TNRC6A: variants seen among roughly 807,000 people sequenced by gnomAD.
The protein encoded by TNRC6A is trinucleotide repeat-containing gene 6A protein.
Under a neutral mutation model 221.2 loss-of-function variants are expected in TNRC6A, and 44 were observed. The observed-to-expected ratio is 0.20, with a 90% CI of 0.16 to 0.26. The LOEUF (loss-of-function observed/expected upper bound fraction) is 0.26. TNRC6A is among the 10% of genes least tolerant of loss of function. The pLI, the probability that TNRC6A is intolerant of heterozygous loss-of-function variation, is 1.00. For synonymous variants in TNRC6A, 847 were observed against 838.5 expected (o/e 1.01, Z -0.18); for missense variants, 2,199 against 2,404.4 (o/e 0.91, Z 1.79).
chr16:24,805,214 T>C, intron 14 of TNRC6A, 63 bp downstream of exon 14: 1 of 1,591,214 alleles, frequency 6.3e-7, no homozygotes, highest in Non-Finnish European at 8.6e-7. Flanking sequence ...TGATTTTGTA[T>C]TTGAATAAAA....
chr16:24,773,505 T>C (rs1940878301), intron 4 of TNRC6A, among the ~76,000 whole-genome samples: 1 of 152,246 alleles, frequency 6.6e-6, no homozygotes, highest in South Asian at 2.1e-4. Flanking sequence ...GATGTTTTCT[T>C]TGCTGCTGTA....
rs375152664 is a variant in TNRC6A, at chr16:24,705,672, A to G, written n.403-45054A>G. Reference sequence around the variant, plus strand: ...ATACTGGTTAAATGAGAATAACTACATGACCTTTCTTAGAGACTACAAGAA... The same window carrying G: ...ATACTGGTTAAATGAGAATAACTACGTGACCTTTCTTAGAGACTACAAGAA... On this transcript the variant is annotated intron_variant and non_coding_transcript_variant, in intron 2 of 2. Coordinates refer to the TNRC6A transcript ENST00000566108. Among the ~76,000 whole-genome samples, 7 of 152,340 alleles carry G rather than the reference A, an allele frequency of 4.6e-5. No homozygotes were observed. In the South Asian group the frequency reaches 8.3e-4, roughly 18 times the overall value.
intron 2 of TNRC6A, among the ~76,000 whole-genome samples, chr16:24,686,700 A>G (rs1375626898): frequency 1.3e-5 from 2 of 152,034 alleles, no homozygotes; most frequent in African/African-American, 4.8e-5. Context: ...GTAAATGGAG[A>G]CAGGCATGTA....
At position 24,790,203 on chromosome 16, in the gene TNRC6A, A is replaced by G. The variant is rs1168090255; in HGVS notation, c.1561A>G (p.Thr521Ala). ...ESKSGGSYGTTWGAYGSNYSG... is the reference protein window; with the variant it reads ...ESKSGGSYGTAWGAYGSNYSG... The stretch of plus-strand genomic sequence containing the variant: ...AAAAAGTGGAGGCTCTTATGGTACT[A>G]CATGGGGTGCCTATGGTTCTAATTA... The change falls in exon 6 of 25, where the codon ACA becomes GCA. Residue 521 changes from threonine to alanine, a missense_variant. Thr to Ala is a moderately conservative substitution (Grantham distance 58). This residue lies in a region of TNRC6A where 1,405 missense variants were observed against 1,400.2 expected (regional missense o/e 1.00). Coordinates refer to ENST00000395799, the MANE Select transcript of TNRC6A (RefSeq NM_014494.4). 2 of 1,614,194 alleles carry G rather than the reference A, an allele frequency of 1.2e-6. No individual in the cohort carries two copies. Among genetic ancestry groups the G allele is most frequent in the South Asian group, 1.1e-5 (1 of 91,078 alleles).
chr16:24,770,266 G>C (rs1285804795), intron 4 of TNRC6A, among the ~76,000 whole-genome samples: 2 of 152,180 alleles, frequency 1.3e-5, no homozygotes, highest in African/African-American at 4.8e-5. Flanking sequence ...ATATGAATCT[G>C]GAAAAAGGTA....
At chr16:24,691,589 C>A (rs770125893) in intron 2 of TNRC6A, among the ~76,000 whole-genome samples, 1 of 151,834 alleles carries the variant, frequency 6.6e-6, no homozygotes, top group Admixed American at 6.6e-5. Context: ...GCCAACATGA[C>A]GAAACTCATC....
intron 2 of TNRC6A, among the ~76,000 whole-genome samples, chr16:24,691,099 C>A (rs546216187): frequency 6.6e-6 from 1 of 152,016 alleles, no homozygotes; most frequent in Non-Finnish European, 1.5e-5. Flanking sequence ...CCTGAGCCAC[C>A]GCACCTGGCC....
At chr16:24,805,460 A>G (rs1185436123) in intron 14 of TNRC6A, 145 bp from the exon 15 acceptor site, 2 of 1,188,768 alleles carry the variant, frequency 1.7e-6, no homozygotes, top group Admixed American at 5.0e-5. Context: ...GTGAGTGGTC[A>G]GTTAGTAAGA....
At chr16:24,702,516 TA>T (rs2056007020) in intron 2 of TNRC6A, among the ~76,000 whole-genome samples, 2 of 152,184 alleles carry the variant, frequency 1.3e-5, no homozygotes, top group Admixed American at 1.3e-4. Context: ...ATACCACTGC[TA>T]TTTAAGCTAT....
At chr16:24,665,679 A>C (rs547036792) in intron 2 of TNRC6A, among the ~76,000 whole-genome samples, 2 of 152,148 alleles carry the variant, frequency 1.3e-5, no homozygotes, top group African/African-American at 4.8e-5. Context: ...TTACCCCACT[A>C]TAGTCTAGTA....
rs1341170866 is a variant in TNRC6A at position 24,744,538 on chromosome 16, AT to A, written c.54-6184del. Among the ~76,000 whole-genome samples the A allele has an allele frequency of 2.6e-5, 4 of 152,024 alleles. No individual in the cohort carries two copies. In the East Asian group the frequency reaches 7.7e-4, roughly 29 times the overall value. Reference sequence around the variant, plus strand: ...TATCAGTATGGACCCATGGGTTCTTATTTTATTCAGTTGTTTGTAATTTTTT... The same window carrying A: ...TATCAGTATGGACCCATGGGTTCTTATTTATTCAGTTGTTTGTAATTTTTT... On this transcript the variant is annotated intron_variant, in intron 2 of 24. Transcript: ENST00000395799.
chr16:24,661,432 G>GTTTTGTTTTGTTTTGTTTTGTTTT (rs1202751748), intron 2 of TNRC6A: 1 of 150,884 alleles, frequency 6.6e-6, no homozygotes, highest in African/African-American at 2.4e-5. Flanking sequence ...GTTTTGTTTT[G>GTTTTGTTTTGTTTTGTTTTGTTTT]GAGACAGAGT....
chr16:24,703,856 G>T (rs1442263446), intron 2 of TNRC6A, among the ~76,000 whole-genome samples: 4 of 151,990 alleles, frequency 2.6e-5, no homozygotes, highest in Non-Finnish European at 4.4e-5. Context: ...GGCCAAGGTG[G>T]ACAGATCACC....
intron 20 of TNRC6A, among the ~76,000 whole-genome samples, chr16:24,818,307 G>C (rs2058694585): frequency 6.6e-6 from 1 of 152,178 alleles, no homozygotes; most frequent in African/African-American, 2.4e-5. Context: ...GCCAAGTGCT[G>C]TCTTGGTGGC....
chr16:24,741,404 G>A (rs1276105724), intron 2 of TNRC6A, among the ~76,000 whole-genome samples: 1 of 152,110 alleles, frequency 6.6e-6, no homozygotes, highest in Non-Finnish European at 1.5e-5. Flanking sequence ...ATGTAGCTTT[G>A]TCCTTCATTC....
At chr16:24,777,592 A>G (rs1314200332) in intron 5 of TNRC6A, among the ~76,000 whole-genome samples, 1 of 152,130 alleles carries the variant, frequency 6.6e-6, no homozygotes, top group African/African-American at 2.4e-5. Context: ...TGCCCATTTT[A>G]ATAAGGAGCT....
Position 24,823,096 on chromosome 16 carries a change from G to C in TNRC6A, c.5513+83G>C. 1 of 1,570,720 alleles carries C rather than the reference G, an allele frequency of 6.4e-7. No individual in the cohort carries two copies. ...CAGCCTGACCCGGGGCAGTGCACAG[G>C]GTCCTGCGTGGGTGGCTCCTGCTGG... On this transcript the variant is annotated intron_variant, in intron 24 of 24. Coordinates refer to ENST00000395799, the MANE Select transcript of TNRC6A (RefSeq NM_014494.4). This position sits in a 1 kb window ranked among gnomAD's most constrained non-coding sequence, Gnocchi z 4.3.
At position 24,682,821 on chromosome 16, in the gene TNRC6A, A is replaced by G. The variant is rs1454263282; in HGVS notation, n.402+41812A>G. ...ATCTTCTGGGGCTCCCTATTGGTCA[A>G]AACCAATGGGAAGCCAGAAGACAAG... On this transcript the variant is annotated intron_variant and non_coding_transcript_variant, in intron 2 of 2. Transcript: ENST00000566108. 2.6e-5 allele frequency among the ~76,000 whole-genome samples: 4 copies of G among 152,306 alleles called. No homozygotes were observed. The East Asian group carries it at 5.8e-4, about 22-fold the overall frequency.
intron 2 of TNRC6A, among the ~76,000 whole-genome samples, chr16:24,679,105 TCTC>T (rs2055478931): frequency 6.6e-6 from 1 of 150,724 alleles, no homozygotes; most frequent in Non-Finnish European, 1.5e-5. Context: ...TTGAAGCAAT[TCTC>T]CTGCCTCAGC....
Sources: allele counts gnomAD v4.1 joint callset (sites outside exome capture counted in the v4.1 genomes callset), GRCh38; gene constraint gnomAD v4.1.1; regional missense constraint gnomAD v4.1.1; non-coding constraint Gnocchi (gnomAD v3.1); transcripts MANE v1.5; gene names NCBI Gene and HGNC (gene_info 2026-07-23, HGNC 2026-07-21).